Variants in TLK1 observed in about 807,000 individuals in gnomAD.
TLK1 encodes the protein tousled like kinase 1.
TLK1 carries 24 observed loss-of-function variants against 105.3 expected under a neutral mutation model. The observed-to-expected ratio is 0.23, with a 90% CI of 0.17 to 0.32. The LOEUF (loss-of-function observed/expected upper bound fraction) is 0.32, where lower values mean the gene tolerates loss of function less well. Among genes scored for constraint, TLK1 ranks in the 10% least tolerant of loss-of-function variants. TLK1 has a pLI of 1.00. For synonymous variants in TLK1, 321 were observed against 310.4 expected (o/e 1.03, Z -0.36); for missense variants, 558 against 910.5 (o/e 0.61, Z 4.98).
intron 1 of TLK1, among the ~76,000 whole-genome samples, chr2:171,216,868 C>A (rs1693723517): frequency 1.3e-5 from 2 of 152,286 alleles, no homozygotes; most frequent in South Asian, 4.1e-4. Context: ...GCCAGCGAAC[C>A]ATCAGAAGCT....
At chr2:171,209,435 AAAT>A (rs1489106415) in intron 1 of TLK1, among the ~76,000 whole-genome samples, 8 of 152,334 alleles carry the variant, frequency 5.3e-5, no homozygotes, top group South Asian at 4.1e-4. Flanking sequence ...GTAAGTGTTT[AAAT>A]ATACACAGAA....
chr2:171,014,394 T>C (rs1685073737), intron 13 of TLK1, among the ~76,000 whole-genome samples: 1 of 144,824 alleles, frequency 6.9e-6, no homozygotes, highest in African/African-American at 2.6e-5. Flanking sequence ...GAAATGGGGG[T>C]CTCACTATGT....
chr2:171,130,227 C>T (rs1246676056), intron 1 of TLK1, among the ~76,000 whole-genome samples: 2 of 152,150 alleles, frequency 1.3e-5, no homozygotes, highest in Non-Finnish European at 2.9e-5. Flanking sequence ...CATGGTGAAA[C>T]CCCCTCTCTA....
At chr2:171,102,102 A>G (rs1689717368) in intron 2 of TLK1, among the ~76,000 whole-genome samples, 1 of 152,176 alleles carries the variant, frequency 6.6e-6, no homozygotes, top group Non-Finnish European at 1.5e-5. Context: ...ACTGCATTGC[A>G]TATTTTTCTC....
At position 171,055,109 on chromosome 2, in the gene TLK1, T is replaced by C; in HGVS notation, c.613A>G (p.Lys205Glu). 1 of 1,501,032 alleles carries C rather than the reference T, an allele frequency of 6.7e-7. No individual in the cohort carries two copies. The highest frequency in any genetic ancestry group is 8.8e-7 in the Non-Finnish European group (1 of 1,130,638). The allele number at this position is 1,501,032 out of a possible 1,614,324, so 93.0% of individuals were successfully genotyped here. A position where few individuals can be genotyped will look rare whatever the true frequency, so the allele number is the denominator to read the frequency against. The change falls in exon 7 of 21, where the codon AAG (lysine) becomes GAG (glutamate). Residue 205 changes from lysine (K) to glutamate (E), a missense_variant. Around this residue, in one of 5 missense-constraint regions of TLK1, gnomAD observed 196 missense variants for 239.3 expected, o/e 0.82. Coordinates refer to ENST00000431350, the MANE Select transcript of TLK1 (RefSeq NM_012290.5). ...TGAATAATTTTAAAGGATAATTGCT[T>C]TGGTTGTACAATAGGGTGGTCCCCA... ...AFGDHPIVQP[K>E]QLSFKIIQTD...
At chr2:171,165,302 T>C (rs1443977786), upstream of TLK1, among the ~76,000 whole-genome samples, 1 of 152,120 alleles carries the variant, frequency 6.6e-6, no homozygotes, top group Non-Finnish European at 1.5e-5. Flanking sequence ...GCTCTGTCAA[T>C]GTTGTGGAAT....
chr2:171,091,428 C>T (rs1689225647), intron 2 of TLK1, among the ~76,000 whole-genome samples: 2 of 152,248 alleles, frequency 1.3e-5, no homozygotes, highest in South Asian at 2.1e-4. Flanking sequence ...TCTTATGATT[C>T]AGAACACAGT....
At chr2:171,202,422 A>T (rs1488861020) in intron 1 of TLK1, among the ~76,000 whole-genome samples, 18 of 151,472 alleles carry the variant, frequency 1.2e-4, no homozygotes, top group Admixed American at 1.1e-3. Context: ...ATTGCACTCC[A>T]GCGTGAGCAA....
At chr2:171,104,763 T>C (rs575138350) in intron 2 of TLK1, among the ~76,000 whole-genome samples, 6 of 152,306 alleles carry the variant, frequency 3.9e-5, no homozygotes, top group South Asian at 2.1e-4. Flanking sequence ...CAGCCAGGGA[T>C]TGCTTTCTTG....
chr2:171,136,311 T>C (rs566048427), intron 1 of TLK1, among the ~76,000 whole-genome samples: 45 of 152,312 alleles, frequency 3.0e-4, no homozygotes, highest in African/African-American at 1.0e-3. Flanking sequence ...TGCTGGGGCC[T>C]AGGGGCAGAG....
intron 2 of TLK1, among the ~76,000 whole-genome samples, chr2:171,110,172 G>GA (rs538533730): frequency 4.2e-4 from 64 of 152,224 alleles, no homozygotes; most frequent in African/African-American, 1.4e-3. Flanking sequence ...TCCTCATCTA[G>GA]AAAATGGACT....
At chr2:171,230,419 C>T (rs1037370025) in intron 1 of TLK1, among the ~76,000 whole-genome samples, 14 of 152,114 alleles carry the variant, frequency 9.2e-5, no homozygotes, top group South Asian at 2.1e-4. Flanking sequence ...TTCCAAATTC[C>T]GAATTCCAGG....
At chr2:171,140,007 G>C (rs962815706) in intron 1 of TLK1, among the ~76,000 whole-genome samples, 1 of 152,154 alleles carries the variant, frequency 6.6e-6, no homozygotes, top group Non-Finnish European at 1.5e-5. Flanking sequence ...GAGCTCAGGC[G>C]GGAATGCTCA....
At chr2:171,183,818 A>G (rs1421108881) in intron 1 of TLK1, among the ~76,000 whole-genome samples, 1 of 152,158 alleles carries the variant, frequency 6.6e-6, no homozygotes, top group African/African-American at 2.4e-5. Flanking sequence ...TCCATCAGTA[A>G]TTTATTCTTC....
At chr2:171,109,223 C>G (rs112033724) in intron 2 of TLK1, among the ~76,000 whole-genome samples, 363 of 152,294 alleles carry the variant, frequency 2.4e-3, no homozygotes, top group Non-Finnish European at 4.4e-3. Flanking sequence ...TAAAATAAGG[C>G]ACATTCAGGG....
intron 1 of TLK1, among the ~76,000 whole-genome samples, chr2:171,230,407 T>C (rs989283141): frequency 2.6e-5 from 4 of 152,172 alleles, no homozygotes; most frequent in African/African-American, 9.7e-5. Context: ...GCTTAAGATG[T>C]TTTCCAAATT....
chr2:171,077,577 T>A lies in TLK1; in HGVS notation c.330+5204A>T, dbSNP rs141451566. ...AATCTACTAAAATTAAGTCTAAGTG[T>A]CAAATTCTTAGTCACTTTTTACAGT... On this transcript the variant is annotated intron_variant, in intron 3 of 20. Transcript: ENST00000431350. Among the ~76,000 whole-genome samples the A allele has an allele frequency of 1.4e-3, 216 of 152,348 alleles. 3 individuals carry two copies. In the East Asian group the frequency reaches 0.036, roughly 25 times the overall value.
chr2:171,015,025 A>C, intron 12 of TLK1, 77 bp from the exon 13 acceptor site: 4 of 1,092,552 alleles, frequency 3.7e-6, no homozygotes, highest in South Asian at 1.3e-5. Flanking sequence ...CCATGCATCA[A>C]TGTTTTACAG....
At chr2:171,047,060 G>GC (rs1686997060) in intron 10 of TLK1, among the ~76,000 whole-genome samples, 1 of 151,978 alleles carries the variant, frequency 6.6e-6, no homozygotes, top group Non-Finnish European at 1.5e-5. Flanking sequence ...CAAGAAAATA[G>GC]CAAGAAAAAT....
Sources: gnomAD v4.1 joint callset for allele counts (sites outside exome capture counted in the v4.1 genomes callset) on GRCh38, gnomAD v4.1.1 for gene constraint, gnomAD v4.1.1 regional missense constraint, MANE v1.5 for transcripts, NCBI Gene and HGNC (gene_info 2026-07-23, HGNC 2026-07-21) for gene names.